Variants in ZNF709 observed in about 807,000 individuals in gnomAD.
The protein encoded by ZNF709 is zinc finger protein 709.
Under a neutral mutation model 10.6 loss-of-function variants are expected in ZNF709, and 15 were observed. That is an observed-to-expected ratio of 1.41 (90% CI 0.95 to 2.18). The LOEUF (loss-of-function observed/expected upper bound fraction) is 2.18, where lower values mean the gene tolerates loss of function less well. ZNF709 is among the 30% of genes most tolerant of loss of function. The probability of loss-of-function intolerance (pLI) is 0.00; values close to 1 mark genes in which losing one functional copy is unlikely to be tolerated. For synonymous variants in ZNF709, 194 were observed against 238.8 expected, an observed-to-expected ratio of 0.81 and a Z score of 1.73; for missense variants, 589 against 774.0, an observed-to-expected ratio of 0.76 and a Z score of 2.84.
At chr19:12,467,262 C>T (rs932147533) in intron 1 of ZNF709, among the ~76,000 whole-genome samples, 3 of 152,336 alleles carry the variant, frequency 2.0e-5, no homozygotes, top group South Asian at 2.1e-4. Context: ...CTCAGCCTGC[C>T]GAGTGCCTGC....
intron 1 of ZNF709, among the ~76,000 whole-genome samples, chr19:12,476,747 A>C (rs989176660): frequency 1.3e-5 from 2 of 152,256 alleles, no homozygotes; most frequent in Admixed American, 1.3e-4. Context: ...ATTTCATAGT[A>C]GTGTCAGGGA....
Position 12,461,600 on chromosome 19 carries a change from T to G in ZNF709, c.*2396A>C, listed in dbSNP as rs2144980683. On this transcript the variant is annotated 3_prime_UTR_variant, in exon 4 of 4. Transcript: ENST00000397732. ...GGTGTTTATTACATAAATAATACCTTGGATAAATTCAACCTAGAGATGAGG... is the reference window on the plus strand; with the variant it reads ...GGTGTTTATTACATAAATAATACCTGGGATAAATTCAACCTAGAGATGAGG... 6.6e-6 allele frequency: 1 copy of G among 152,288 alleles called. No individual in the cohort carries two copies. Among genetic ancestry groups the G allele is most frequent in the Non-Finnish European group, 1.5e-5 (1 of 68,028 alleles). The allele number at this position is 152,288 out of a possible 1,614,324, so 9.4% of individuals were successfully genotyped here.
In ZNF709 at chr19:12,464,659, T is replaced by C. The variant is rs1970550353; in HGVS notation, c.1263A>G (p.Glu421=). The part of the protein sequence containing the change: ...ERTHTGEKPH[E]CKQCGKAFSC... ...TGAAGGCTTTACCACATTGTTTACA[T>C]TCATGGGGTTTCTCTCCAGTGTGAG... Residue 421 remains glutamate (E), a synonymous_variant, in exon 4 of 4, where the codon GAA becomes GAG. Coordinates refer to ENST00000397732, the MANE Select transcript of ZNF709 (RefSeq NM_152601.4). The C allele has an allele frequency of 1.2e-6, 2 of 1,612,312 alleles. No homozygotes were observed. The highest frequency in any genetic ancestry group is 1.3e-5 in the African/African-American group (1 of 74,924).
chr19:12,473,432 TAATCAA>T (rs1970651375), intron 1 of ZNF709, among the ~76,000 whole-genome samples: 1 of 152,104 alleles, frequency 6.6e-6, no homozygotes, highest in African/African-American at 2.4e-5. Flanking sequence ...AATAATCAAA[TAATCAA>T]GACTGTGGCC....
Position 12,473,015 on chromosome 19 carries a change from C to T in ZNF709, c.4-6165G>A, listed in dbSNP as rs138203333. 1.2e-3 allele frequency among the ~76,000 whole-genome samples: 186 copies of T among 152,328 alleles called. 1 individual carries two copies. The highest frequency in any genetic ancestry group is 4.3e-3 in the African/African-American group (180 of 41,590). On this transcript the variant is annotated intron_variant, in intron 1 of 3. Coordinates refer to ENST00000397732, the MANE Select transcript of ZNF709 (RefSeq NM_152601.4). ...AGCTACTCCCAAGTATTGATGACCA[C>T]TGCCAATAGACAAATAGTTATGCAT...
intron 1 of ZNF709, among the ~76,000 whole-genome samples, chr19:12,470,270 T>G (rs1970623655): frequency 6.6e-6 from 1 of 152,002 alleles, no homozygotes; most frequent in Non-Finnish European, 1.5e-5. Flanking sequence ...ACAGAAAAAA[T>G]GCTCCCAAAC....
chr19:12,482,059 G>A (rs967044095), intron 1 of ZNF709, among the ~76,000 whole-genome samples: 2 of 151,902 alleles, frequency 1.3e-5, no homozygotes, highest in South Asian at 4.2e-4. Context: ...AGCACTTTGA[G>A]AGGCCAAGGT....
chr19:12,479,764 C>T (rs748351067), intron 1 of ZNF709, among the ~76,000 whole-genome samples: 6 of 151,702 alleles, frequency 4.0e-5, no homozygotes, highest in Non-Finnish European at 8.8e-5. Flanking sequence ...CAGCTACTCG[C>T]GAGGCTGAGG....
Position 12,465,449 on chromosome 19 carries a change from T to C in ZNF709, c.473A>G (p.His158Arg), listed in dbSNP as rs771624762. Reference sequence around the variant, plus strand: ...TTTCTCTCCAGTGTGAGTTCTTTCATGTATTCGAAATGAACTTCGAAAGCT... The same window carrying C: ...TTTCTCTCCAGTGTGAGTTCTTTCACGTATTCGAAATGAACTTCGAAAGCT... The part of the protein sequence containing the change: ...RFSFRSSFRI[H>R]ERTHTGEKPY... The change falls in exon 4 of 4, where the codon CAT becomes CGT. Residue 158 changes from histidine (H) to arginine (R), a missense_variant. Physicochemically the swap from His to Arg is conservative, Grantham distance 29. Around this residue, in one of 2 missense-constraint regions of ZNF709, gnomAD observed 418 missense variants for 496.3 expected, o/e 0.84. Coordinates refer to ENST00000397732, the MANE Select transcript of ZNF709 (RefSeq NM_152601.4). 6.2e-7 allele frequency: 1 copy of C among 1,611,730 alleles called. No individual in the cohort carries two copies. The highest frequency in any genetic ancestry group is 8.5e-7 in the Non-Finnish European group (1 of 1,179,212).
intron 1 of ZNF709, among the ~76,000 whole-genome samples, chr19:12,480,600 G>C (rs976785514): frequency 1.3e-5 from 2 of 151,464 alleles, no homozygotes; most frequent in African/African-American, 4.9e-5. Flanking sequence ...GGAGAATGGC[G>C]TGAACCTGGG....
chr19:12,466,245 T>A (rs891928645), intron 3 of ZNF709, among the ~76,000 whole-genome samples: 1 of 152,170 alleles, frequency 6.6e-6, no homozygotes, highest in Non-Finnish European at 1.5e-5. Flanking sequence ...CTGGCCAAAA[T>A]TCATAATATA....
chr19:12,469,438 AG>A (rs1192503901), intron 1 of ZNF709, among the ~76,000 whole-genome samples: 1 of 152,160 alleles, frequency 6.6e-6, no homozygotes, highest in Non-Finnish European at 1.5e-5. Context: ...GTTAGAGCAC[AG>A]GCAGGAGGAA....
At position 12,465,294 on chromosome 19, in the gene ZNF709, TTG is replaced by T; in HGVS notation, c.626_627del (p.Thr209AsnfsTer16). The T allele has an allele frequency of 6.2e-7, 1 of 1,612,484 alleles. No individual in the cohort carries two copies. Among genetic ancestry groups the T allele is most frequent in the Non-Finnish European group, 8.5e-7 (1 of 1,179,410 alleles). The part of the protein sequence containing the change: ...KECGKAFIYH[T>X]TFRGHMRMHT... ...TGCATTCTCATGTGTCCTCGAAAGG[TTG>T]TGTGATAAATGAAGGCCTTCCCACA... On this transcript the variant is annotated frameshift_variant, in exon 4 of 4. Transcript: ENST00000397732. LOFTEE classifies it low-confidence loss of function (END_TRUNC).
chr19:12,471,061 GC>G (rs904225300), intron 1 of ZNF709, among the ~76,000 whole-genome samples: 1 of 151,556 alleles, frequency 6.6e-6, no homozygotes, highest in African/African-American at 2.4e-5. Flanking sequence ...TACTTGATCC[GC>G]CCCCCAAAAG....
intron 1 of ZNF709, among the ~76,000 whole-genome samples, chr19:12,478,759 G>A (rs1203737293): frequency 6.6e-6 from 1 of 152,180 alleles, no homozygotes; most frequent in East Asian, 1.9e-4. Context: ...TAGTTTGGGG[G>A]TGGGGCTACA....
chr19:12,474,579 T>A (rs957934903), intron 1 of ZNF709, among the ~76,000 whole-genome samples: 1 of 152,246 alleles, frequency 6.6e-6, no homozygotes, highest in African/African-American at 2.4e-5. Flanking sequence ...ATTCCTTTTC[T>A]AATTTTCTGA....
At chr19:12,476,274 C>A (rs970805330) in intron 1 of ZNF709, among the ~76,000 whole-genome samples, 10 of 151,942 alleles carry the variant, frequency 6.6e-5, no homozygotes, top group African/African-American at 2.4e-4. Context: ...CGCTTGTAGT[C>A]CCACCTACTC....
intron 1 of ZNF709, among the ~76,000 whole-genome samples, chr19:12,467,306 G>A: frequency 6.6e-6 from 1 of 152,186 alleles, no homozygotes; most frequent in East Asian, 1.9e-4. Context: ...CGCCTGACTG[G>A]TTTTCGTATT....
Position 12,464,943 on chromosome 19 carries a change from C to T in ZNF709, c.979G>A (p.Glu327Lys). 1 of 1,603,914 alleles carries T rather than the reference C, an allele frequency of 6.2e-7. No homozygotes were observed. Among genetic ancestry groups the T allele is most frequent in the African/African-American group, 1.3e-5 (1 of 74,214 alleles). The change falls in exon 4 of 4, where the codon GAA becomes AAA. Residue 327 changes from glutamate (E) to lysine (K), a missense_variant. Transcript: ENST00000397732. ...GGTTTCTCTCCTGTATGAATTCTTTCATGTTTTCTAAAGGAACTAGGAAAA... is the reference window on the plus strand; with the variant it reads ...GGTTTCTCTCCTGTATGAATTCTTTTATGTTTTCTAAAGGAACTAGGAAAA... ...FSFPSSFRKH[E>K]RIHTGEKPYD...
Sources: gnomAD v4.1 joint callset for allele counts (sites outside exome capture counted in the v4.1 genomes callset) on GRCh38, gnomAD v4.1.1 for gene constraint, gnomAD v4.1.1 regional missense constraint, MANE v1.5 for transcripts, NCBI Gene and HGNC (gene_info 2026-07-23, HGNC 2026-07-21) for gene names.